The following PARP4 variants were observed in gnomAD, a reference collection of about 807,000 sequenced individuals.
PARP4 encodes the protein protein mono-ADP-ribosyltransferase PARP4.
A neutral mutation model predicts 187.7 loss-of-function variants in PARP4; 120 were observed. The observed-to-expected ratio is 0.64, with a 90% CI of 0.55 to 0.74. The LOEUF (loss-of-function observed/expected upper bound fraction) is 0.74, where lower values mean the gene tolerates loss of function less well. Ranked by LOEUF, PARP4 falls within the 30% of genes least tolerant of loss-of-function variation. The pLI is 0.00. For missense variants in PARP4, 1,836 were observed against 2,070.5 expected (o/e 0.89, Z 2.20); for synonymous variants, 654 against 740.9 (o/e 0.88, Z 1.90).
chr13:24,479,861 A>G (rs574218052), intron 12 of PARP4, among the ~76,000 whole-genome samples: 62 of 152,272 alleles, frequency 4.1e-4, no homozygotes, highest in African/African-American at 1.4e-3. Flanking sequence ...TTGGGTCCAC[A>G]CTGCCTTTAT....
At chr13:24,432,304 A>T (rs1433242451) in intron 31 of PARP4, among the ~76,000 whole-genome samples, 1 of 152,194 alleles carries the variant, frequency 6.6e-6, no homozygotes, top group Non-Finnish European at 1.5e-5. Flanking sequence ...AGCAATGAGC[A>T]TTGAACCGGT....
intron 30 of PARP4, among the ~76,000 whole-genome samples, chr13:24,440,769 C>T (rs1416471175): frequency 6.6e-6 from 1 of 152,148 alleles, no homozygotes; most frequent in Non-Finnish European, 1.5e-5. Context: ...CAATCATCTA[C>T]CTTTTGTGAT....
chr13:24,510,488 A>T (rs1461092726), intron 1 of PARP4, among the ~76,000 whole-genome samples: 5 of 141,476 alleles, frequency 3.5e-5, no homozygotes, highest in Non-Finnish European at 1.5e-5. Flanking sequence ...CGGGAGGCGG[A>T]GCTTGCAGTG....
intron 33 of PARP4, among the ~76,000 whole-genome samples, chr13:24,425,565 G>GTATATCTATATCTA (rs1266200379): frequency 6.0e-5 from 8 of 132,888 alleles, no homozygotes; most frequent in African/African-American, 1.4e-4. Context: ...GTGTGTGTGT[G>GTATATCTATATCTA]TGTGTATATC....
chr13:24,456,653 A>T (rs1018117380), intron 20 of PARP4, among the ~76,000 whole-genome samples, 175 bp from the exon 21 acceptor site: 3 of 152,178 alleles, frequency 2.0e-5, no homozygotes, highest in African/African-American at 7.2e-5. Context: ...AGTGGCTCAC[A>T]CCTGTAATCT....
chr13:24,430,844 T>G (rs1870299116), intron 32 of PARP4, among the ~76,000 whole-genome samples: 2 of 152,268 alleles, frequency 1.3e-5, no homozygotes, highest in Admixed American at 1.3e-4. Flanking sequence ...TTTCTCCTCC[T>G]GGACACGCAG....
At chr13:24,456,311 T>TC in intron 21 of PARP4, 30 bp downstream of exon 21, 4 of 1,535,736 alleles carry the variant, frequency 2.6e-6, no homozygotes, top group Non-Finnish European at 3.5e-6. Context: ...TTCAATAGTG[T>TC]CTCCTATGTC....
At chr13:24,446,155 C>A (rs771429807) in intron 27 of PARP4, among the ~76,000 whole-genome samples, 2 of 152,090 alleles carry the variant, frequency 1.3e-5, no homozygotes, top group Non-Finnish European at 2.9e-5. Context: ...TGGCATGTAC[C>A]TTTATTGAGT....
At chr13:24,457,290 G>A (rs1401501785) in intron 20 of PARP4, among the ~76,000 whole-genome samples, 8 of 152,174 alleles carry the variant, frequency 5.3e-5, no homozygotes, top group African/African-American at 1.9e-4. Flanking sequence ...CTCCACTCCT[G>A]TCTGCGTGCC....
rs894951599 is a variant in PARP4 at position 24,464,948 on chromosome 13, G to GA, written c.2133+4075dup. Among the ~76,000 whole-genome samples, 17 of 149,406 alleles carry GA rather than the reference G, an allele frequency of 1.1e-4. No homozygotes were observed. The East Asian group carries it at 1.8e-3, about 15-fold the overall frequency. On this transcript the variant is annotated intron_variant, in intron 17 of 33. Coordinates refer to ENST00000381989, the MANE Select transcript of PARP4 (RefSeq NM_006437.4). ...ACAAGGAACTTAAACAAATTTACAA[G>GA]AAAAAAAAACCCCATTAAAAAGTGG...
At chr13:24,499,416 T>C (rs1869149561) in intron 4 of PARP4, 40 bp from the exon 5 acceptor site, 1 of 1,500,684 alleles carries the variant, frequency 6.7e-7, no homozygotes, top group Admixed American at 2.3e-5. Context: ...TAACATTAAA[T>C]GGATTTTAGG....
At chr13:24,462,072 A>G (rs1872239240) in intron 17 of PARP4, among the ~76,000 whole-genome samples, 1 of 152,200 alleles carries the variant, frequency 6.6e-6, no homozygotes, top group African/African-American at 2.4e-5. Flanking sequence ...AGTGCTAATT[A>G]GTTCCCATCC....
intron 32 of PARP4, among the ~76,000 whole-genome samples, chr13:24,427,930 GAAT>G (rs1201330470): frequency 6.6e-6 from 1 of 151,878 alleles, no homozygotes; most frequent in Non-Finnish European, 1.5e-5. Flanking sequence ...ACAACTCCAA[GAAT>G]AATATAATAA....
At position 24,484,644 on chromosome 13, in the gene PARP4, C is replaced by T. The variant is rs768937853; in HGVS notation, c.1448+9G>A. ...CAGTAACGATTCTGTGATTAAGGATCGAACATACCTGAGCGAATCACTGAA... is the reference window on the plus strand; with the variant it reads ...CAGTAACGATTCTGTGATTAAGGATTGAACATACCTGAGCGAATCACTGAA... On this transcript the variant is annotated intron_variant, in intron 12 of 33. Transcript: ENST00000381989. 30 of 1,583,424 alleles carry T rather than the reference C, an allele frequency of 1.9e-5. No homozygotes were observed. Among genetic ancestry groups the T allele is most frequent in the South Asian group, 4.4e-5 (4 of 90,350 alleles).
intron 33 of PARP4, among the ~76,000 whole-genome samples, chr13:24,423,428 G>C (rs1869846475): frequency 6.6e-6 from 1 of 151,968 alleles, no homozygotes; most frequent in Admixed American, 6.6e-5. Flanking sequence ...CTACTCAGGA[G>C]GCTGAGGCAC....
rs34197201 is a variant in PARP4, at chr13:24,466,796, C to CAA, written c.2133+2226_2133+2227dup. On this transcript the variant is annotated intron_variant, in intron 17 of 33. Coordinates refer to ENST00000381989, the MANE Select transcript of PARP4 (RefSeq NM_006437.4). The stretch of plus-strand genomic sequence containing the variant: ...CCTGGGCAACAGTGAGACTCTGTCT[C>CAA]AAAAAAAAAAAAAAAAAGATAAAAT... Among the ~76,000 whole-genome samples, 135 of 90,754 alleles carry CAA rather than the reference C, an allele frequency of 1.5e-3. 5 individuals are homozygous for CAA. The highest frequency in any genetic ancestry group is 0.011 in the South Asian group (29 of 2,604). The allele number at this position is 90,754 out of a possible 152,430, so 59.5% of individuals were successfully genotyped here.
At chr13:24,427,847 T>C (rs1870136082) in intron 32 of PARP4, among the ~76,000 whole-genome samples, 1 of 152,198 alleles carries the variant, frequency 6.6e-6, no homozygotes, top group African/African-American at 2.4e-5. Context: ...TGGATTCTTT[T>C]GTGGCTTATT....
At position 24,437,849 on chromosome 13, in the gene PARP4, C is replaced by CAAAAAAAAAAAAAAAAA. The variant is rs1216300092; in HGVS notation, c.3667-2376_3667-2375insTTTTTTTTTTTTTTTTT. Among the ~76,000 whole-genome samples the CAAAAAAAAAAAAAAAAA allele has an allele frequency of 9.7e-4, 115 of 118,308 alleles. 7 individuals carry two copies. The highest frequency in any genetic ancestry group is 3.0e-3 in the African/African-American group (91 of 30,032). 77.6% of individuals were successfully genotyped at this position (118,308 alleles called of 152,430 possible). A position where few individuals can be genotyped will look rare whatever the true frequency, so the allele number is the denominator to read the frequency against. ...TGGGTGACAGAGTGAGACTCCATCT[C>CAAAAAAAAAAAAAAAAA]AAAAAAAAAAAAGAATCATACTGAG... On this transcript the variant is annotated intron_variant, in intron 30 of 33. Coordinates refer to ENST00000381989, the MANE Select transcript of PARP4 (RefSeq NM_006437.4).
chr13:24,431,129 T>A (rs1870311871), intron 32 of PARP4, among the ~76,000 whole-genome samples: 1 of 152,086 alleles, frequency 6.6e-6, no homozygotes, highest in Non-Finnish European at 1.5e-5. Flanking sequence ...GCTTCTGAGA[T>A]TTTTTTTACA....
Sources: gnomAD v4.1 joint callset for allele counts (sites outside exome capture counted in the v4.1 genomes callset) on GRCh38, gnomAD v4.1.1 for gene constraint, MANE v1.5 for transcripts, NCBI Gene and HGNC (gene_info 2026-07-23, HGNC 2026-07-21) for gene names.